Variants in ANKRD30B observed in about 807,000 individuals in gnomAD.
The protein encoded by ANKRD30B is ankyrin repeat domain-containing protein 30B.
Under a neutral mutation model 202.2 loss-of-function variants are expected in ANKRD30B, and 144 were observed. The ratio of observed to expected loss-of-function variants is 0.71; its 90% CI spans 0.62 to 0.82. The LOEUF (loss-of-function observed/expected upper bound fraction) is 0.82. Ranked by LOEUF, ANKRD30B falls within the 40% of genes least tolerant of loss-of-function variation. The pLI, the probability that ANKRD30B is intolerant of heterozygous loss-of-function variation, is 0.00. For missense variants in ANKRD30B, 1,487 were observed against 1,669.1 expected (o/e 0.89, Z 1.90); for synonymous variants, 508 against 561.3 (o/e 0.91, Z 1.34).
At chr18:14,853,701 G>A (rs1260357203) in intron 42 of ANKRD30B, among the ~76,000 whole-genome samples, 108 bp from the exon 43 acceptor site, 3 of 152,096 alleles carry the variant, frequency 2.0e-5, no homozygotes, top group Non-Finnish European at 4.4e-5. Context: ...GCAGCAGTGT[G>A]CACAAATGAA....
intron 9 of ANKRD30B, among the ~76,000 whole-genome samples, chr18:14,776,751 C>T (rs192646094): frequency 3.5e-4 from 53 of 152,232 alleles, no homozygotes; most frequent in African/African-American, 1.1e-3. Flanking sequence ...GAATGAATTG[C>T]GTACTTTATC....
At position 14,756,667 on chromosome 18, in the gene ANKRD30B, T is replaced by C. The variant is rs550091121; in HGVS notation, c.618-1148T>C. 4.6e-5 allele frequency among the ~76,000 whole-genome samples: 7 copies of C among 152,266 alleles called. No homozygotes were observed. In the East Asian group the frequency reaches 1.4e-3, roughly 29 times the overall value. On this transcript the variant is annotated intron_variant, in intron 4 of 43. Coordinates refer to ENST00000690538, the MANE Select transcript of ANKRD30B (RefSeq NM_001367607.2). ...CCAGCAGTTTGGGAGGCCAAGGTGG[T>C]TGGATCACTTGAGGCCAGGAGTTTG...
At chr18:14,871,822 G>A in the ANKRD30B span, among the ~76,000 whole-genome samples, 1 of 152,264 alleles carries the variant, frequency 6.6e-6, no homozygotes, top group East Asian at 1.9e-4. Flanking sequence ...CCTAGGAGTT[G>A]TCAATAGAAA....
At chr18:14,809,496 G>T (rs1386779981) in intron 26 of ANKRD30B, among the ~76,000 whole-genome samples, 1 of 150,794 alleles carries the variant, frequency 6.6e-6, no homozygotes, top group Non-Finnish European at 1.5e-5. Context: ...ATGGCGAGAT[G>T]AGGGCGTTCA....
At chr18:14,809,566 C>A (rs1160732707) in intron 26 of ANKRD30B, among the ~76,000 whole-genome samples, 1 of 150,740 alleles carries the variant, frequency 6.6e-6, no homozygotes, top group Admixed American at 6.6e-5. Flanking sequence ...AGGCTCTCCA[C>A]AAGGGTAGCA....
At chr18:14,884,617 A>G in the ANKRD30B span, among the ~76,000 whole-genome samples, 18 of 152,156 alleles carry the variant, frequency 1.2e-4, no homozygotes, top group African/African-American at 3.9e-4. Context: ...CATAAATTCA[A>G]TGATAAGAAT....
chr18:14,849,934 T>G (rs1243263190), intron 40 of ANKRD30B, among the ~76,000 whole-genome samples: 2 of 151,710 alleles, frequency 1.3e-5, no homozygotes, highest in Non-Finnish European at 3.0e-5. Flanking sequence ...CTTATAAATT[T>G]ACTAGATAGC....
the ANKRD30B span, among the ~76,000 whole-genome samples, chr18:14,880,777 G>A: frequency 2.6e-5 from 4 of 151,934 alleles, no homozygotes; most frequent in Non-Finnish European, 5.9e-5. Context: ...TCACTGTAGA[G>A]GTCTTTTGAT....
At chr18:14,915,349 T>C in the ANKRD30B span, among the ~76,000 whole-genome samples, 1 of 152,214 alleles carries the variant, frequency 6.6e-6, no homozygotes. Flanking sequence ...AGAAAATGGT[T>C]CTTCCTCCAC....
chr18:14,853,729 A>G (rs934094306), intron 42 of ANKRD30B, among the ~76,000 whole-genome samples, 80 bp from the exon 43 acceptor site: 1 of 152,186 alleles, frequency 6.6e-6, no homozygotes, highest in Non-Finnish European at 1.5e-5. Context: ...AACTGAATCA[A>G]TATATTTGGG....
chr18:14,786,748 C>G (rs1428594265), intron 14 of ANKRD30B, among the ~76,000 whole-genome samples: 1 of 152,110 alleles, frequency 6.6e-6, no homozygotes, highest in Non-Finnish European at 1.5e-5. Context: ...ATAGGACATA[C>G]TGTGTTTTAC....
In ANKRD30B at chr18:14,784,364, G is replaced by C. The variant is rs1299907224; in HGVS notation, c.1599G>C (p.Lys533Asn). 1 of 1,612,584 alleles carries C rather than the reference G, an allele frequency of 6.2e-7. No homozygotes were observed. The highest frequency in any genetic ancestry group is 1.3e-5 in the African/African-American group (1 of 74,862). ...EELPEKPSAF[K>N]PAVEMQKTVP... ...TTCCTGAGAAGCCATCTGCCTTCAA[G>C]GTATTTAGTTTTATGGTTTCATTTT... Residue 533 changes from lysine to asparagine, a missense_variant and splice_region_variant, in exon 13 of 44, where the codon AAG (lysine) becomes AAC (asparagine). Coordinates refer to ENST00000690538, the MANE Select transcript of ANKRD30B (RefSeq NM_001367607.2).
At chr18:14,880,899 TG>T in the ANKRD30B span, among the ~76,000 whole-genome samples, 1 of 152,206 alleles carries the variant, frequency 6.6e-6, no homozygotes, top group Non-Finnish European at 1.5e-5. Flanking sequence ...TAGCTGTTGA[TG>T]TATAGAAGAG....
At chr18:14,795,819 A>G (rs1968837199) in intron 16 of ANKRD30B, among the ~76,000 whole-genome samples, 1 of 151,928 alleles carries the variant, frequency 6.6e-6, no homozygotes, top group Non-Finnish European at 1.5e-5. Flanking sequence ...TTCCTTAACA[A>G]TATGCCATAG....
chr18:14,773,663 T>C (rs113180576), intron 9 of ANKRD30B, among the ~76,000 whole-genome samples: 3 of 27,630 alleles, frequency 1.1e-4, no homozygotes, highest in African/African-American at 2.2e-4. Context: ...CTCATGTTCT[T>C]TTTTTTTTTT....
chr18:14,784,581 G>A, intron 14 of ANKRD30B, 46 bp downstream of exon 14: 1 of 1,553,284 alleles, frequency 6.4e-7, no homozygotes, highest in Non-Finnish European at 8.8e-7. Context: ...GTTCAATATT[G>A]GACATTTTGA....
the ANKRD30B span, among the ~76,000 whole-genome samples, chr18:14,881,607 G>T: frequency 6.6e-6 from 1 of 151,618 alleles, no homozygotes; most frequent in African/African-American, 2.4e-5. Context: ...AGAATGAATC[G>T]GGGAGGGTTT....
chr18:14,929,287 C>T, the ANKRD30B span, among the ~76,000 whole-genome samples: 2 of 152,196 alleles, frequency 1.3e-5, no homozygotes, highest in Non-Finnish European at 2.9e-5. Context: ...ATGAGCTCAA[C>T]TGTCTCTCTT....
chr18:14,817,897 T>C (rs1375628687), intron 30 of ANKRD30B, among the ~76,000 whole-genome samples: 70 of 152,284 alleles, frequency 4.6e-4, no homozygotes, highest in Non-Finnish European at 6.8e-4. Flanking sequence ...ACCTGCAATA[T>C]GGTCATGTAT....
Sources: gnomAD v4.1 joint callset for allele counts (sites outside exome capture counted in the v4.1 genomes callset) on GRCh38, gnomAD v4.1.1 for gene constraint, MANE v1.5 for transcripts, NCBI Gene and HGNC (gene_info 2026-07-23, HGNC 2026-07-21) for gene names.